Variants in GNAQ observed in about 807,000 individuals in gnomAD.
GNAQ encodes guanine nucleotide-binding protein G(q) subunit alpha.
Under a neutral mutation model 43.9 loss-of-function variants are expected in GNAQ, and 8 were observed. The observed-to-expected ratio is 0.18, with a 90% confidence interval of 0.11 to 0.33. The LOEUF (loss-of-function observed/expected upper bound fraction) is 0.33. GNAQ is among the 10% of genes least tolerant of loss of function. The pLI, the probability that GNAQ is intolerant of heterozygous loss-of-function variation, is 1.00. For missense variants in GNAQ, 158 were observed against 450.8 expected (o/e 0.35, Z 5.88); for synonymous variants, 155 against 170.7 (o/e 0.91, Z 0.71).
chr9:77,931,784 A>G (rs1829157087), intron 1 of GNAQ, among the ~76,000 whole-genome samples: 1 of 152,164 alleles, frequency 6.6e-6, no homozygotes, highest in South Asian at 2.1e-4. Context: ...CTGCTTCTTC[A>G]TCTGCAAATA....
intron 1 of GNAQ, among the ~76,000 whole-genome samples, chr9:77,973,014 G>GAA (rs10541482): frequency 8.7e-5 from 10 of 114,692 alleles, no homozygotes; most frequent in South Asian, 2.5e-4. Flanking sequence ...AAAAAGAAAG[G>GAA]AAAAAAAAAA....
intron 2 of GNAQ, among the ~76,000 whole-genome samples, chr9:77,914,727 T>C (rs1333617280): frequency 6.6e-6 from 1 of 150,770 alleles, no homozygotes; most frequent in African/African-American, 2.4e-5. Context: ...AAAGTTTCCC[T>C]ATGAAAAAGC....
intron 5 of GNAQ, among the ~76,000 whole-genome samples, chr9:77,790,358 A>T (rs1329246122): frequency 6.6e-6 from 1 of 152,260 alleles, no homozygotes; most frequent in African/African-American, 2.4e-5. Context: ...AACAATTTTT[A>T]GAGCAGAACA....
At chr9:77,937,718 C>T (rs147420196) in intron 1 of GNAQ, among the ~76,000 whole-genome samples, 301 of 151,876 alleles carry the variant, frequency 2.0e-3, no homozygotes, top group African/African-American at 7.0e-3. Context: ...CATGGTGAAA[C>T]CCTGTCTCTA....
intron 1 of GNAQ, among the ~76,000 whole-genome samples, chr9:77,945,709 A>T (rs935826351): frequency 1.3e-5 from 2 of 152,212 alleles, no homozygotes; most frequent in African/African-American, 2.4e-5. Context: ...TAAATGGGCA[A>T]AAGGGATAAT....
intron 5 of GNAQ, among the ~76,000 whole-genome samples, chr9:77,756,790 C>T (rs372913798): frequency 5.3e-5 from 8 of 152,322 alleles, no homozygotes; most frequent in East Asian, 3.9e-4. Context: ...CTCATTTCTC[C>T]ATGTTTCTGA....
intron 2 of GNAQ, among the ~76,000 whole-genome samples, chr9:77,903,439 G>A (rs533800283): frequency 3.4e-4 from 52 of 152,316 alleles, no homozygotes; most frequent in Admixed American, 8.5e-4. Flanking sequence ...AGCAGGGACT[G>A]TAAGGAGGAA....
At chr9:77,832,953 CTTTATTTTTTATTTTTAT>C (rs1406363817) in intron 2 of GNAQ, among the ~76,000 whole-genome samples, 1 of 152,006 alleles carries the variant, frequency 6.6e-6, no homozygotes, top group Non-Finnish European at 1.5e-5. Context: ...AGGAAAGGCA[CTTTATTTTTTATTTTTAT>C]TTTATTTTTT....
chr9:78,031,473 G>A lies in GNAQ; in HGVS notation c.-238C>T. The A allele has an allele frequency of 5.5e-6, 1 of 181,788 alleles. No individual in the cohort carries two copies. 11.3% of individuals were successfully genotyped at this position (181,788 alleles called of 1,614,324 possible). A position where few individuals can be genotyped will look rare whatever the true frequency, so the allele number is the denominator to read the frequency against. The stretch of plus-strand genomic sequence containing the variant: ...CTGGGCCGACGGGAGAAGAGAGGCG[G>A]GCGCGGGAGGCGGGCGCTGGCTCGG... On this transcript the variant is annotated 5_prime_UTR_variant, in exon 1 of 7. Coordinates refer to ENST00000286548, the MANE Select transcript of GNAQ (RefSeq NM_002072.5).
chr9:77,908,304 G>A (rs921408023), intron 2 of GNAQ, among the ~76,000 whole-genome samples: 2 of 152,126 alleles, frequency 1.3e-5, no homozygotes, highest in Non-Finnish European at 2.9e-5. Flanking sequence ...CACTTTCATT[G>A]ACATTCTGAT....
At chr9:78,006,577 G>T (rs1823708900) in intron 1 of GNAQ, among the ~76,000 whole-genome samples, 1 of 152,182 alleles carries the variant, frequency 6.6e-6, no homozygotes, top group African/African-American at 2.4e-5. Flanking sequence ...TTCAAACTAG[G>T]ATAGTGTTTG....
chr9:77,955,210 T>C (rs1823027626), intron 1 of GNAQ, among the ~76,000 whole-genome samples: 1 of 152,182 alleles, frequency 6.6e-6, no homozygotes, highest in Admixed American at 6.5e-5. Flanking sequence ...TGGCACGATC[T>C]TGGCTCACTG....
At chr9:77,899,429 G>C (rs1828558313) in intron 2 of GNAQ, among the ~76,000 whole-genome samples, 1 of 151,964 alleles carries the variant, frequency 6.6e-6, no homozygotes, top group Non-Finnish European at 1.5e-5. Context: ...GTTTGTCTGT[G>C]TGTGTGTCTG....
intron 2 of GNAQ, among the ~76,000 whole-genome samples, chr9:77,885,528 G>A (rs528199232): frequency 6.6e-6 from 1 of 152,116 alleles, no homozygotes; most frequent in African/African-American, 2.4e-5. Flanking sequence ...TTCAGAAAGG[G>A]AGAAAAGTAT....
At chr9:77,935,417 G>A (rs1283186786) in intron 1 of GNAQ, among the ~76,000 whole-genome samples, 4 of 152,146 alleles carry the variant, frequency 2.6e-5, no homozygotes, top group Non-Finnish European at 5.9e-5. Flanking sequence ...TAGGAAATCA[G>A]TTGGGTTCTC....
intron 1 of GNAQ, among the ~76,000 whole-genome samples, chr9:78,000,086 A>G (rs1421116319): frequency 1.3e-5 from 2 of 152,226 alleles, no homozygotes; most frequent in African/African-American, 4.8e-5. Context: ...GCCATCTAAT[A>G]AAGGTTAAAA....
chr9:77,817,300 G>A (rs1827034592), intron 2 of GNAQ, among the ~76,000 whole-genome samples: 1 of 152,160 alleles, frequency 6.6e-6, no homozygotes, highest in Non-Finnish European at 1.5e-5. Context: ...CATGGTTTAA[G>A]TTCCAAGTTC....
chr9:78,025,608 T>A (rs917266982), intron 1 of GNAQ, among the ~76,000 whole-genome samples: 9 of 152,170 alleles, frequency 5.9e-5, no homozygotes, highest in South Asian at 4.1e-4. Context: ...CTTCACAAAC[T>A]TGTATTTTCC....
At chr9:77,984,899 G>A (rs1253465089) in intron 1 of GNAQ, among the ~76,000 whole-genome samples, 1 of 152,162 alleles carries the variant, frequency 6.6e-6, no homozygotes, top group African/African-American at 2.4e-5. Flanking sequence ...GAGGTGAGAG[G>A]AGAAAGCAGA....
Sources: gnomAD v4.1 joint callset for allele counts (sites outside exome capture counted in the v4.1 genomes callset) on GRCh38, gnomAD v4.1.1 for gene constraint, MANE v1.5 for transcripts, NCBI Gene and HGNC (gene_info 2026-07-23, HGNC 2026-07-21) for gene names.